The following RALGAPA2 variants were observed in gnomAD, a reference collection of about 807,000 sequenced individuals.
RALGAPA2 encodes ral GTPase-activating protein subunit alpha-2.
In RALGAPA2, 139 loss-of-function variants were observed where a neutral mutation model predicts 230.4. The ratio of observed to expected loss-of-function variants is 0.60; its 90% confidence interval spans 0.53 to 0.69. The LOEUF (loss-of-function observed/expected upper bound fraction) is 0.69. Ranked by LOEUF, RALGAPA2 falls within the 30% of genes least tolerant of loss-of-function variation. RALGAPA2 has a pLI of 0.00. For synonymous variants in RALGAPA2, 847 were observed against 837.8 expected, an observed-to-expected ratio of 1.01 and a Z score of -0.19; for missense variants, 2,163 against 2,276.0, an observed-to-expected ratio of 0.95 and a Z score of 1.01.
intron 33 of RALGAPA2, among the ~76,000 whole-genome samples, chr20:20,507,780 T>A (rs1394564012): frequency 1.3e-5 from 2 of 152,176 alleles, no homozygotes; most frequent in East Asian, 3.8e-4. Flanking sequence ...TGGCGTAGAA[T>A]CTAACTAGCC....
chr20:20,526,310 A>C lies in RALGAPA2; in HGVS notation c.3635T>G (p.Val1212Gly). Residue 1212 changes from valine to glycine, a missense_variant, in exon 28 of 40, where the codon GTT (valine) becomes GGT (glycine). Transcript: ENST00000202677. ...CATCTGAAGCTTCTCCCAGTAGGAA[A>C]CCAGCAACTGAAGGACATCGCAAGC... The part of the protein sequence containing the change: ...QVACDVLQLL[V>G]SYWEKLQMFE... 1 of 1,608,750 alleles carries C rather than the reference A, an allele frequency of 6.2e-7. No homozygotes were observed.
intron 3 of RALGAPA2, among the ~76,000 whole-genome samples, chr20:20,664,641 G>A (rs760873738): frequency 1.4e-4 from 21 of 151,976 alleles, no homozygotes; most frequent in African/African-American, 4.1e-4. Flanking sequence ...GCATTTTTCC[G>A]ATCTCTTCAG....
At position 20,640,765 on chromosome 20, in the gene RALGAPA2, G is replaced by T. The variant is rs1458743078; in HGVS notation, c.486C>A (p.Val162=). The change falls in exon 6 of 40, where the codon GTC becomes GTA. Residue 162 remains valine (V), a synonymous_variant. Transcript: ENST00000202677. ...FACLVPGFPA[V]MSSRGPCTLE... ...GTGTGCAAGGGCCCCTGGATGACATGACTGCTGGGAAACCAGGCACCAGGC... is the reference window on the plus strand; with the variant it reads ...GTGTGCAAGGGCCCCTGGATGACATTACTGCTGGGAAACCAGGCACCAGGC... 1 of 1,613,936 alleles carries T rather than the reference G, an allele frequency of 6.2e-7. No individual in the cohort carries two copies. The highest frequency in any genetic ancestry group is 1.1e-5 in the South Asian group (1 of 91,080).
chr20:20,414,135 G>C (rs545650334), intron 37 of RALGAPA2, among the ~76,000 whole-genome samples: 1 of 152,360 alleles, frequency 6.6e-6, no homozygotes, highest in African/African-American at 2.4e-5. Context: ...GCTGAGCGAG[G>C]CGTGACAAAT....
At chr20:20,417,664 A>G (rs975235476) in intron 37 of RALGAPA2, among the ~76,000 whole-genome samples, 6 of 152,200 alleles carry the variant, frequency 3.9e-5, no homozygotes, top group African/African-American at 1.4e-4. Flanking sequence ...TTACTTCAAT[A>G]AACTCCTTGA....
chr20:20,690,458 G>C (rs551652601), intron 1 of RALGAPA2, among the ~76,000 whole-genome samples: 1 of 152,148 alleles, frequency 6.6e-6, no homozygotes, highest in African/African-American at 2.4e-5. Context: ...CTTGCACTCA[G>C]GTTTCCATCC....
chr20:20,423,220 G>A (rs1263360697), intron 37 of RALGAPA2, among the ~76,000 whole-genome samples: 1 of 152,160 alleles, frequency 6.6e-6, no homozygotes, highest in Non-Finnish European at 1.5e-5. Flanking sequence ...GTTGAGTGGA[G>A]GAGTCTGAAG....
chr20:20,518,217 A>G (rs1157999188), intron 31 of RALGAPA2, among the ~76,000 whole-genome samples: 3 of 152,040 alleles, frequency 2.0e-5, no homozygotes, highest in African/African-American at 4.8e-5. Flanking sequence ...CACCATGCCC[A>G]GCTAATTTTT....
chr20:20,546,562 C>A (rs2063778867), intron 24 of RALGAPA2, 142 bp downstream of exon 24: 2 of 1,124,870 alleles, frequency 1.8e-6, no homozygotes, highest in Non-Finnish European at 2.3e-6. Context: ...TTTCACACAT[C>A]AGCTGCCAGG....
At chr20:20,511,416 TCC>T in intron 32 of RALGAPA2, 91 bp from the exon 33 acceptor site, 2 of 1,470,250 alleles carry the variant, frequency 1.4e-6, no homozygotes, top group African/African-American at 2.8e-5. Flanking sequence ...ATACCTATCA[TCC>T]ATCCTCTACC....
chr20:20,456,490 C>G (rs1186733420), intron 37 of RALGAPA2, among the ~76,000 whole-genome samples: 1 of 152,232 alleles, frequency 6.6e-6, no homozygotes. Context: ...ACTCTCCTCC[C>G]TTGAATCTAG....
chr20:20,548,117 C>G (rs547597516), intron 23 of RALGAPA2, among the ~76,000 whole-genome samples: 1 of 149,756 alleles, frequency 6.7e-6, no homozygotes, highest in East Asian at 2.0e-4. Flanking sequence ...GAGTAAGAAG[C>G]AAAATCTCCA....
intron 21 of RALGAPA2, among the ~76,000 whole-genome samples, chr20:20,572,176 GA>G (rs1376476917): frequency 6.6e-6 from 1 of 152,074 alleles, no homozygotes; most frequent in Non-Finnish European, 1.5e-5. Context: ...GTTTTTCCTT[GA>G]ACGTTAATGG....
chr20:20,477,726 T>C (rs1457486639), intron 36 of RALGAPA2, among the ~76,000 whole-genome samples: 1 of 152,102 alleles, frequency 6.6e-6, no homozygotes, highest in African/African-American at 2.4e-5. Context: ...GCTCAGACTA[T>C]AGGCCTGTGC....
At chr20:20,632,960 T>G (rs2066727972) in intron 9 of RALGAPA2, among the ~76,000 whole-genome samples, 1 of 152,156 alleles carries the variant, frequency 6.6e-6, no homozygotes. Context: ...TTTCACTTTT[T>G]TTTTTTTAAA....
At chr20:20,614,663 T>C (rs1350529159) in intron 13 of RALGAPA2, among the ~76,000 whole-genome samples, 1 of 152,238 alleles carries the variant, frequency 6.6e-6, no homozygotes, top group Non-Finnish European at 1.5e-5. Context: ...TTTCTGTACT[T>C]GTGAACTTTC....
intron 37 of RALGAPA2, among the ~76,000 whole-genome samples, chr20:20,447,393 GA>G (rs1161934239): frequency 6.6e-6 from 1 of 152,128 alleles, no homozygotes; most frequent in African/African-American, 2.4e-5. Context: ...AACACTAAAG[GA>G]AAAAGATGGT....
rs2062758687 is a variant in RALGAPA2 at position 20,513,013 on chromosome 20, T to G, written c.4356A>C (p.Pro1452=). Residue 1452 remains proline, a synonymous_variant, in exon 32 of 40, where the codon CCA becomes CCC. Transcript: ENST00000202677. ...CTCTCACATCAGAGAGAGAGCCCACTGGTGATCCCCCTACCGGTCCTTCTG... is the reference window on the plus strand; with the variant it reads ...CTCTCACATCAGAGAGAGAGCCCACGGGTGATCCCCCTACCGGTCCTTCTG... The part of the protein sequence containing the change: ...TPTEGPVGGS[P]VGSLSDVRVI... The G allele has an allele frequency of 6.2e-7, 1 of 1,613,644 alleles. No homozygotes were observed. The highest frequency in any genetic ancestry group is 1.7e-5 in the Admixed American group (1 of 59,990).
At chr20:20,644,553 G>A (rs905454869) in intron 4 of RALGAPA2, among the ~76,000 whole-genome samples, 3 of 152,186 alleles carry the variant, frequency 2.0e-5, no homozygotes, top group Non-Finnish European at 4.4e-5. Context: ...CTTTTAGAAC[G>A]ATTCTACTGT....
Sources: allele counts gnomAD v4.1 joint callset (sites outside exome capture counted in the v4.1 genomes callset), GRCh38; gene constraint gnomAD v4.1.1; transcripts MANE v1.5; gene names NCBI Gene and HGNC (gene_info 2026-07-23, HGNC 2026-07-21).